Variants in COL23A1 observed in about 807,000 individuals in gnomAD.
COL23A1 encodes collagen type XXIII alpha 1 chain.
A neutral mutation model predicts 99.3 loss-of-function variants in COL23A1; 97 were observed. The observed-to-expected ratio is 0.98, with a 90% confidence interval of 0.83 to 1.16. COL23A1 has a LOEUF of 1.16. COL23A1 is among the 50% of genes most tolerant of loss of function. The probability of loss-of-function intolerance (pLI) is 0.00; values close to 1 mark genes in which losing one functional copy is unlikely to be tolerated. For synonymous variants in COL23A1, 320 were observed against 308.2 expected (o/e 1.04, Z -0.40); for missense variants, 762 against 757.4 (o/e 1.01, Z -0.07).
At chr5:178,472,447 C>T (rs190978143) in intron 2 of COL23A1, among the ~76,000 whole-genome samples, 29 of 152,240 alleles carry the variant, frequency 1.9e-4, no homozygotes, top group Admixed American at 6.5e-4. Context: ...AGTCTGATTC[C>T]GGAGTTCTTG....
At chr5:178,370,110 G>A (rs2973714) in intron 2 of COL23A1, among the ~76,000 whole-genome samples, 36,637 of 152,098 alleles carry the variant, frequency 0.24, 4,968 homozygotes, top group African/African-American at 0.35. Context: ...GTGTCTGCAC[G>A]GCAGGTTCCC....
At chr5:178,289,610 C>T (rs1041025017) in intron 4 of COL23A1, among the ~76,000 whole-genome samples, 1 of 152,180 alleles carries the variant, frequency 6.6e-6, no homozygotes, top group African/African-American at 2.4e-5. Context: ...TGGTCAAGCC[C>T]GACTAATTCC....
chr5:178,553,157 G>A (rs1412805088), intron 2 of COL23A1, among the ~76,000 whole-genome samples: 2 of 128,120 alleles, frequency 1.6e-5, no homozygotes, highest in South Asian at 5.9e-4. Context: ...CCGACAGAGT[G>A]AGATCCTATC....
intron 2 of COL23A1, among the ~76,000 whole-genome samples, chr5:178,424,195 C>T (rs1765782048): frequency 6.6e-6 from 1 of 152,230 alleles, no homozygotes; most frequent in Non-Finnish European, 1.5e-5. Context: ...TTCATGCATC[C>T]TGCATTCATT....
chr5:178,355,001 T>C (rs567690097), intron 2 of COL23A1, among the ~76,000 whole-genome samples: 1 of 150,400 alleles, frequency 6.6e-6, no homozygotes, highest in Non-Finnish European at 1.5e-5. Flanking sequence ...GAGGTTGCAG[T>C]GAGTGGAGAT....
chr5:178,319,669 AC>A (rs1258374642), intron 2 of COL23A1, among the ~76,000 whole-genome samples: 2 of 152,298 alleles, frequency 1.3e-5, no homozygotes, highest in African/African-American at 4.8e-5. Context: ...GGAACCGTGG[AC>A]CAGCGCCCTC....
intron 2 of COL23A1, among the ~76,000 whole-genome samples, chr5:178,342,317 G>A (rs555953649): frequency 1.3e-5 from 2 of 152,196 alleles, no homozygotes; most frequent in African/African-American, 4.8e-5. Flanking sequence ...GCACCAAGGT[G>A]GTTTCCTGGC....
intron 11 of COL23A1, 43 bp from the exon 12 acceptor site, chr5:178,259,790 T>C (rs2973748): frequency 0.082 from 128,572 of 1,567,306 alleles, 7,039 homozygotes; most frequent in East Asian, 0.23. Context: ...GTCAAAACCA[T>C]AGGAGAGTGG....
rs566841331 is a variant in COL23A1 at position 178,366,929 on chromosome 5, G to A, written c.362-60010C>T. Among the ~76,000 whole-genome samples, 2 of 152,186 alleles carry A rather than the reference G, an allele frequency of 1.3e-5. No individual in the cohort carries two copies. Among genetic ancestry groups the A allele is most frequent in the African/African-American group, 4.8e-5 (2 of 41,436 alleles). ...CTCGCCTTCCTGGCCACACCAGATG[G>A]GCTGTGCTTTCTTCACCTCTGCATT... On this transcript the variant is annotated intron_variant, in intron 2 of 28. Coordinates refer to ENST00000390654, the MANE Select transcript of COL23A1 (RefSeq NM_173465.4). The surrounding 1 kb of genome is among the most constrained non-coding windows in gnomAD (Gnocchi z 4.4).
At chr5:178,393,763 G>T (rs370939012) in intron 2 of COL23A1, among the ~76,000 whole-genome samples, 1 of 151,594 alleles carries the variant, frequency 6.6e-6, no homozygotes, top group Non-Finnish European at 1.5e-5. Flanking sequence ...AGCCTCCCAA[G>T]TAACTGGGAC....
chr5:178,441,479 T>C (rs188432353), intron 2 of COL23A1, among the ~76,000 whole-genome samples: 2 of 152,146 alleles, frequency 1.3e-5, no homozygotes. Flanking sequence ...AGAGGGCAAC[T>C]GCAGAGCCGG....
At chr5:178,471,392 C>A (rs1257150155) in intron 2 of COL23A1, among the ~76,000 whole-genome samples, 3 of 152,160 alleles carry the variant, frequency 2.0e-5, no homozygotes, top group East Asian at 1.9e-4. Context: ...CAGGCACCCA[C>A]CACACCTGGC....
In COL23A1 at chr5:178,271,290, C is replaced by G. The variant is rs535168217; in HGVS notation, c.442-927G>C. Among the ~76,000 whole-genome samples, 4 of 152,180 alleles carry G rather than the reference C, an allele frequency of 2.6e-5. No individual in the cohort carries two copies. The East Asian group carries it at 5.8e-4, about 22-fold the overall frequency. ...CCCCCTCTTCCTCCCCACCACTGTC[C>G]CCTCACCCCCACATACACTTCACTC... On this transcript the variant is annotated intron_variant, in intron 5 of 28. Transcript: ENST00000390654.
At chr5:178,482,478 G>A (rs1331063437) in intron 2 of COL23A1, among the ~76,000 whole-genome samples, 1 of 152,216 alleles carries the variant, frequency 6.6e-6, no homozygotes, top group Non-Finnish European at 1.5e-5. Context: ...ATCGTTTAAT[G>A]GGTATGGAGT....
chr5:178,338,585 C>CCCAGCACCGAGTA (rs1561875062), intron 2 of COL23A1, among the ~76,000 whole-genome samples: 1 of 147,744 alleles, frequency 6.8e-6, no homozygotes, highest in African/African-American at 2.6e-5. Context: ...TCCTGGGTCA[C>CCCAGCACCGAGTA]TGGCCAGCAC....
intron 2 of COL23A1, among the ~76,000 whole-genome samples, chr5:178,463,218 G>C (rs1756223092): frequency 6.6e-6 from 1 of 152,204 alleles, no homozygotes; most frequent in Non-Finnish European, 1.5e-5. Context: ...TTTTACTTCA[G>C]GCTAGGTAAG....
intron 2 of COL23A1, among the ~76,000 whole-genome samples, chr5:178,413,272 A>G (rs900636023): frequency 6.6e-6 from 1 of 152,224 alleles, no homozygotes; most frequent in African/African-American, 2.4e-5. Flanking sequence ...GCTTTTGGAT[A>G]ATTTGCAGAT....
chr5:178,331,410 C>G (rs1042789212), intron 2 of COL23A1, among the ~76,000 whole-genome samples: 1 of 152,256 alleles, frequency 6.6e-6, no homozygotes, highest in Non-Finnish European at 1.5e-5. Flanking sequence ...CACCTACACT[C>G]CCTGAGGCTC....
intron 2 of COL23A1, among the ~76,000 whole-genome samples, chr5:178,331,321 G>A (rs1198601491): frequency 5.9e-5 from 9 of 152,252 alleles, no homozygotes; most frequent in Non-Finnish European, 1.2e-4. Flanking sequence ...TGAGGTCATG[G>A]AAGGTGGAGG....
Sources: allele counts gnomAD v4.1 joint callset (sites outside exome capture counted in the v4.1 genomes callset), GRCh38; gene constraint gnomAD v4.1.1; non-coding constraint Gnocchi (gnomAD v3.1); transcripts MANE v1.5; gene names NCBI Gene and HGNC (gene_info 2026-07-23, HGNC 2026-07-21).